PACS1: variants seen among roughly 807,000 people sequenced by gnomAD.
The protein encoded by PACS1 is phosphofurin acidic cluster sorting protein 1.
PACS1 carries 24 observed loss-of-function variants against 115.0 expected under a neutral mutation model. The ratio of observed to expected loss-of-function variants is 0.21; its 90% CI spans 0.15 to 0.29. The LOEUF (loss-of-function observed/expected upper bound fraction) is 0.29, where lower values mean the gene tolerates loss of function less well. PACS1 is among the 10% of genes least tolerant of loss of function. The pLI is 1.00. For missense variants in PACS1, 838 were observed against 1,251.2 expected (o/e 0.67, Z 4.98); for synonymous variants, 453 against 504.5 (o/e 0.90, Z 1.37).
chr11:66,070,457 C>G lies in PACS1; in HGVS notation c.-30C>G, dbSNP rs149876307. On this transcript the variant is annotated 5_prime_UTR_variant, in exon 1 of 24. Transcript: ENST00000320580. This position sits in a 1 kb window ranked among gnomAD's most constrained non-coding sequence, Gnocchi z 5.9. ...CCTGGGAGCCAGATCGGCGTCGCCT[C>G]GGCCTCCGTAACCCCCGCCTAGCCG... 27,686 of 1,214,078 alleles carry G rather than the reference C, an allele frequency of 0.023. 386 individuals carry two copies. The highest frequency in any genetic ancestry group is 0.033 in the South Asian group (990 of 29,636). The allele number at this position is 1,214,078 out of a possible 1,614,324, so 75.2% of individuals were successfully genotyped here.
chr11:66,102,725 A>T (rs1008904299), intron 1 of PACS1, among the ~76,000 whole-genome samples: 2 of 152,126 alleles, frequency 1.3e-5, no homozygotes, highest in Non-Finnish European at 2.9e-5. Context: ...CCCATGCCCC[A>T]CTGGCTGTAG....
rs554309881 is a variant in PACS1 at position 66,130,022 on chromosome 11, T to TACCA, written c.356+59193_356+59196dup. ...ATTTTGATTTATTTTCCATCCAGTC[T>TACCA]ACCAACCAACCAACCAGTCAGCCAG... On this transcript the variant is annotated intron_variant, in intron 1 of 23. Coordinates refer to ENST00000320580, the MANE Select transcript of PACS1 (RefSeq NM_018026.4). 4.9e-4 allele frequency among the ~76,000 whole-genome samples: 74 copies of TACCA among 152,308 alleles called. No individual in the cohort carries two copies. In the East Asian group the frequency reaches 0.014, roughly 29 times the overall value.
chr11:66,201,853 T>C (rs1398662763), intron 2 of PACS1, among the ~76,000 whole-genome samples: 1 of 152,046 alleles, frequency 6.6e-6, no homozygotes, highest in Non-Finnish European at 1.5e-5. Flanking sequence ...GAGACGAGGT[T>C]TCACCTTATT....
chr11:66,162,383 A>G lies in PACS1; in HGVS notation c.357-31103A>G, dbSNP rs1859510957. ...GTGATCTGCCCACCTCGGCCTCCCA[A>G]AGTGCTGGGATTACAGGCCTGAGCC... is the stretch of plus-strand genomic sequence containing the variant. On this transcript the variant is annotated intron_variant, in intron 1 of 23. Transcript: ENST00000320580. 2.0e-5 allele frequency among the ~76,000 whole-genome samples: 3 copies of G among 152,048 alleles called. No individual in the cohort carries two copies. In the South Asian group the frequency reaches 6.2e-4, roughly 32 times the overall value.
At chr11:66,209,871 G>A (rs960490826) in intron 2 of PACS1, among the ~76,000 whole-genome samples, 24 of 152,004 alleles carry the variant, frequency 1.6e-4, no homozygotes, top group Non-Finnish European at 1.0e-4. Flanking sequence ...CGCCACTGCA[G>A]TCCAGCCTGG....
intron 1 of PACS1, among the ~76,000 whole-genome samples, chr11:66,085,977 T>A (rs895015232): frequency 2.0e-5 from 3 of 152,172 alleles, no homozygotes; most frequent in Non-Finnish European, 4.4e-5. Context: ...CACTCAGATA[T>A]GTAGCAATGC....
intron 1 of PACS1, among the ~76,000 whole-genome samples, chr11:66,142,520 C>T (rs1859017442): frequency 6.6e-6 from 1 of 150,836 alleles, no homozygotes; most frequent in Non-Finnish European, 1.5e-5. Flanking sequence ...GGTGCCCAGG[C>T]TGGTCTTGAA....
chr11:66,073,176 T>TTGAGCATTTTGCAGGCC lies in PACS1; in HGVS notation c.356+2335_356+2351dup, dbSNP rs1857341026. ...ACTCCTTGTGGAACACATGTGCTCT[T>TTGAGCATTTTGCAGGCC]TGAGCATTTTGCAGGCCAGAATAAC... On this transcript the variant is annotated intron_variant, in intron 1 of 23. Transcript: ENST00000320580. Among the ~76,000 whole-genome samples, 3 of 152,334 alleles carry TTGAGCATTTTGCAGGCC rather than the reference T, an allele frequency of 2.0e-5. No individual in the cohort carries two copies. In the South Asian group the frequency reaches 6.2e-4, roughly 32 times the overall value.
intron 1 of PACS1, among the ~76,000 whole-genome samples, chr11:66,103,591 G>C (rs1037691556): frequency 1.4e-5 from 2 of 141,320 alleles, no homozygotes; most frequent in Non-Finnish European, 3.0e-5. Context: ...TCTCACTGCA[G>C]CCTCCACCTC....
At chr11:66,087,987 ATGT>A (rs1330367671) in intron 1 of PACS1, among the ~76,000 whole-genome samples, 3 of 152,038 alleles carry the variant, frequency 2.0e-5, no homozygotes, top group Non-Finnish European at 2.9e-5. Context: ...TTCCCCAATG[ATGT>A]TGAGCACCTT....
At chr11:66,142,449 G>A (rs1859015187) in intron 1 of PACS1, among the ~76,000 whole-genome samples, 3 of 151,788 alleles carry the variant, frequency 2.0e-5, no homozygotes, top group East Asian at 1.9e-4. Context: ...GGGACCATGG[G>A]CACTTGCCAC....
intron 1 of PACS1, among the ~76,000 whole-genome samples, chr11:66,188,774 A>C (rs1241749341): frequency 6.6e-6 from 1 of 152,194 alleles, no homozygotes. Context: ...AGTCATCCTC[A>C]CAACTATATC....
At chr11:66,199,917 G>A (rs570684230) in intron 2 of PACS1, among the ~76,000 whole-genome samples, 2 of 152,222 alleles carry the variant, frequency 1.3e-5, no homozygotes, top group African/African-American at 4.8e-5. Context: ...TACTCGGGAG[G>A]CTGAGGCAGG....
intron 1 of PACS1, among the ~76,000 whole-genome samples, chr11:66,178,189 CAGG>C (rs1859917760): frequency 6.7e-6 from 1 of 150,080 alleles, no homozygotes; most frequent in South Asian, 2.1e-4. Context: ...ATTTAATTAT[CAGG>C]AGTTCCTTGT....
In PACS1 at chr11:66,243,916, C is replaced by G. The variant is rs1371908549; in HGVS notation, c.*636C>G. On this transcript the variant is annotated 3_prime_UTR_variant, in exon 24 of 24. Coordinates refer to ENST00000320580, the MANE Select transcript of PACS1 (RefSeq NM_018026.4). ...CCAGGACCCTGTTGCTATGGTGACA[C>G]AGCGTTTCTAGGACAGAGGGGCCTC... 1.3e-5 allele frequency: 2 copies of G among 152,402 alleles called. No individual in the cohort carries two copies. Among genetic ancestry groups the G allele is most frequent in the Non-Finnish European group, 2.9e-5 (2 of 68,174 alleles). 9.4% of individuals were successfully genotyped at this position (152,402 alleles called of 1,614,324 possible).
chr11:66,137,092 T>G (rs1858864004), intron 1 of PACS1, among the ~76,000 whole-genome samples: 1 of 151,306 alleles, frequency 6.6e-6, no homozygotes, highest in Non-Finnish European at 1.5e-5. Flanking sequence ...TGCAGAAGTT[T>G]TTCTTTAATG....
intron 1 of PACS1, among the ~76,000 whole-genome samples, chr11:66,174,741 T>C (rs1859813557): frequency 6.6e-6 from 1 of 152,200 alleles, no homozygotes; most frequent in Non-Finnish European, 1.5e-5. Context: ...AGGGATTAAC[T>C]ATAAATGGGC....
rs116797489 is a variant in PACS1, at chr11:66,183,704, G to A, written c.357-9782G>A. ...TAGAAGAAACCAGCTTTATTGAGGT[G>A]GCAGTGTTACAGCACCGTGACTGCT... On this transcript the variant is annotated intron_variant, in intron 1 of 23. Transcript: ENST00000320580. Among the ~76,000 whole-genome samples, 573 of 152,294 alleles carry A rather than the reference G, an allele frequency of 3.8e-3. 3 individuals are homozygous for A. Among genetic ancestry groups the A allele is most frequent in the African/African-American group, 0.013 (541 of 41,558 alleles).
chr11:66,178,050 A>AGTT (rs139119818), intron 1 of PACS1, among the ~76,000 whole-genome samples: 5,566 of 149,434 alleles, frequency 0.037, 328 homozygotes, highest in East Asian at 0.17. Flanking sequence ...TATGATATCT[A>AGTT]GTTATATTAA....
Sources: allele counts gnomAD v4.1 joint callset (sites outside exome capture counted in the v4.1 genomes callset), GRCh38; gene constraint gnomAD v4.1.1; non-coding constraint Gnocchi (gnomAD v3.1); transcripts MANE v1.5; gene names NCBI Gene and HGNC (gene_info 2026-07-23, HGNC 2026-07-21).